The following EPX variants were observed in gnomAD, a reference collection of about 807,000 sequenced individuals.
EPX encodes the protein eosinophil peroxidase.
EPX carries 60 observed loss-of-function variants against 73.0 expected under a neutral mutation model. The ratio of observed to expected loss-of-function variants is 0.82; its 90% CI spans 0.67 to 1.02. The LOEUF (loss-of-function observed/expected upper bound fraction) is 1.02, where lower values mean the gene tolerates loss of function less well. EPX is among the 50% of genes least tolerant of loss of function. EPX has a pLI of 0.00. For synonymous variants in EPX, 347 were observed against 389.2 expected, an observed-to-expected ratio of 0.89 and a Z score of 1.28; for missense variants, 950 against 973.9, an observed-to-expected ratio of 0.98 and a Z score of 0.33.
chr17:58,197,963 G>A (rs1414001499), intron 7 of EPX, among the ~76,000 whole-genome samples: 1 of 152,084 alleles, frequency 6.6e-6, no homozygotes, highest in Non-Finnish European at 1.5e-5. Context: ...AGCCTCCCGA[G>A]TAGCTGGAAT....
chr17:58,197,074 A>G lies in EPX; in HGVS notation c.937A>G (p.Met313Val). The G allele has an allele frequency of 6.2e-7, 1 of 1,614,194 alleles. No homozygotes were observed. The highest frequency in any genetic ancestry group is 8.5e-7 in the Non-Finnish European group (1 of 1,180,022). The change falls in exon 7 of 13, where the codon ATG becomes GTG. Residue 313 changes from methionine to valine, a missense_variant. Coordinates refer to ENST00000225371, the MANE Select transcript of EPX (RefSeq NM_000502.6). Reference sequence around the variant, plus strand: ...GCTCACCTCCTTTGTGGACGCCAGCATGGTGTATGGCAGTGAGGTCTCCCT... The same window carrying G: ...GCTCACCTCCTTTGTGGACGCCAGCGTGGTGTATGGCAGTGAGGTCTCCCT... ...NALTSFVDASMVYGSEVSLSL... is the reference protein window; with the variant it reads ...NALTSFVDASVVYGSEVSLSL...
chr17:58,195,573 A>T (rs903222229), intron 6 of EPX, among the ~76,000 whole-genome samples: 3 of 152,166 alleles, frequency 2.0e-5, no homozygotes, highest in African/African-American at 7.2e-5. Context: ...GGCTGTAAGT[A>T]GGGTCCTAAC....
intron 10 of EPX, 70 bp from the exon 11 acceptor site, chr17:58,203,011 C>T (rs1968361461): frequency 8.7e-7 from 1 of 1,152,808 alleles, no homozygotes; most frequent in Admixed American, 1.7e-5. Context: ...CCCCAGAGGA[C>T]TGGTGGAGAA....
intron 6 of EPX, among the ~76,000 whole-genome samples, chr17:58,196,583 G>T (rs562058423): frequency 1.3e-5 from 2 of 152,192 alleles, no homozygotes; most frequent in East Asian, 3.9e-4. Flanking sequence ...AAGGTCTGTC[G>T]AATTGAACAG....
Position 58,200,297 on chromosome 17 carries a change from T to C in EPX, c.1610T>C (p.Val537Ala), listed in dbSNP as rs1308489209. ...AKLNRQDAML[V>A]DELRDRLFRQ... ...CTGAACCGTCAGGATGCCATGTTAG[T>C]GGATGAGCTCCGGGACCGGCTGTTT... is the stretch of plus-strand genomic sequence containing the variant. Residue 537 changes from valine to alanine, a missense_variant, in exon 10 of 13, where the codon GTG becomes GCG. Coordinates refer to ENST00000225371, the MANE Select transcript of EPX (RefSeq NM_000502.6). The C allele has an allele frequency of 6.2e-7, 1 of 1,614,220 alleles. No homozygotes were observed. Among genetic ancestry groups the C allele is most frequent in the East Asian group, 2.2e-5 (1 of 44,866 alleles).
Position 58,197,029 on chromosome 17 carries a change from G to T in EPX, c.892G>T (p.Val298Phe). ...CTCATGCCCCCAAAACAAGAACAGA[G>T]TCCGCAACCAGATCAACGCGCTCAC... ...APSCPQNKNR[V>F]RNQINALTSF... Residue 298 changes from valine (V) to phenylalanine (F), a missense_variant, in exon 7 of 13, where the codon GTC (valine) becomes TTC (phenylalanine). By Grantham distance (50) the Val-to-Phe change is conservative (BLOSUM62 -1). Transcript: ENST00000225371. 1 of 1,614,142 alleles carries T rather than the reference G, an allele frequency of 6.2e-7. No homozygotes were observed. Among genetic ancestry groups the T allele is most frequent in the South Asian group, 1.1e-5 (1 of 91,072 alleles).
chr17:58,196,232 C>G (rs1231335664), intron 6 of EPX, among the ~76,000 whole-genome samples: 1 of 152,040 alleles, frequency 6.6e-6, no homozygotes, highest in Non-Finnish European at 1.5e-5. Flanking sequence ...CTCAGCCTCC[C>G]GAGTAGCTGG....
At chr17:58,204,687 C>T in intron 12 of EPX, 49 bp from the exon 13 acceptor site, 1 of 513,970 alleles carries the variant, frequency 1.9e-6, no homozygotes. Context: ...AGCTCCATTT[C>T]TAAACATCCA....
In EPX at chr17:58,193,118, T is replaced by C. The variant is rs1169253348; in HGVS notation, c.157T>C (p.Trp53Arg). The C allele has an allele frequency of 1.2e-6, 2 of 1,610,784 alleles. No individual in the cohort carries two copies. Among genetic ancestry groups the C allele is most frequent in the Admixed American group, 3.3e-5 (2 of 60,024 alleles). The change falls in exon 2 of 13, where the codon TGG becomes CGG. Residue 53 changes from tryptophan to arginine, a missense_variant. Transcript: ENST00000225371. ...GTTGCTGGTGGATGCTGCCTACAAT[T>C]GGACCCAGAAGAGGTGGACTTGGGT... ...AKLLVDAAYN[W>R]TQKSIKQRLR...
chr17:58,204,199 C>G, intron 11 of EPX, 23 bp from the exon 12 acceptor site: 1 of 1,585,608 alleles, frequency 6.3e-7, no homozygotes, highest in Non-Finnish European at 8.7e-7. Flanking sequence ...AGCCTTCACC[C>G]ACATCTCTCG....
At chr17:58,197,377 C>A in intron 7 of EPX, 120 bp downstream of exon 7, 1 of 1,161,802 alleles carries the variant, frequency 8.6e-7, no homozygotes, top group Non-Finnish European at 1.2e-6. Flanking sequence ...TTAGGCACAC[C>A]ATAAGCATGG....
intron 2 of EPX, 21 bp downstream of exon 2, chr17:58,193,152 T>C (rs111882990): frequency 6.5e-7 from 1 of 1,541,024 alleles, no homozygotes; most frequent in African/African-American, 1.4e-5. Context: ...GTCTGGGGGC[T>C]GCATGGGCCT....
Position 58,193,388 on chromosome 17 carries a change from G to T in EPX, c.188G>T (p.Arg63Leu), listed in dbSNP as rs772997855. ...CTGGGCAGCATCAAGCAGCGGCTTC[G>T]CAGCGGTTCAGCCAGCCCCATGGAC... is the stretch of plus-strand genomic sequence containing the variant. Reference protein sequence around the residue: ...WTQKSIKQRLRSGSASPMDLL... With the variant: ...WTQKSIKQRLLSGSASPMDLL... Residue 63 changes from arginine (R) to leucine (L), a missense_variant, in exon 3 of 13, where the codon CGC becomes CTC. By Grantham distance (102) the Arg-to-Leu change is moderately radical. Coordinates refer to ENST00000225371, the MANE Select transcript of EPX (RefSeq NM_000502.6). 1.2e-6 allele frequency: 2 copies of T among 1,614,050 alleles called. No homozygotes were observed. The highest frequency in any genetic ancestry group is 1.7e-6 in the Non-Finnish European group (2 of 1,180,030).
At chr17:58,197,827 T>C (rs1033022228) in intron 7 of EPX, among the ~76,000 whole-genome samples, 1 of 151,608 alleles carries the variant, frequency 6.6e-6, no homozygotes, top group African/African-American at 2.4e-5. Context: ...CTCATTAAGA[T>C]ATTTATCTTA....
intron 6 of EPX, among the ~76,000 whole-genome samples, chr17:58,196,338 C>T (rs1968256211): frequency 6.6e-6 from 1 of 152,126 alleles, no homozygotes; most frequent in Admixed American, 6.5e-5. Flanking sequence ...AAACTTCTGG[C>T]CTCATGTAAT....
In EPX at chr17:58,199,621, G is replaced by A; in HGVS notation, c.1364G>A (p.Cys455Tyr). ...ACCCTGGGGCACTACAGGGGGTACT[G>A]CTCCAATGTGGACCCACGGGTGGCC... ...RRTLGHYRGY[C>Y]SNVDPRVANV... The change falls in exon 9 of 13, where the codon TGC becomes TAC. Residue 455 changes from cysteine to tyrosine, a missense_variant. Coordinates refer to ENST00000225371, the MANE Select transcript of EPX (RefSeq NM_000502.6). 5 of 1,614,156 alleles carry A rather than the reference G, an allele frequency of 3.1e-6. No individual in the cohort carries two copies. Among genetic ancestry groups the A allele is most frequent in the Non-Finnish European group, 4.2e-6 (5 of 1,180,024 alleles).
At chr17:58,195,716 A>G (rs2143707758) in intron 6 of EPX, among the ~76,000 whole-genome samples, 2 of 152,118 alleles carry the variant, frequency 1.3e-5, no homozygotes, top group South Asian at 4.2e-4. Context: ...ACACACGTGC[A>G]CACACACGCT....
At chr17:58,203,508 C>T (rs1597969863) in intron 11 of EPX, among the ~76,000 whole-genome samples, 190 bp downstream of exon 11, 2 of 152,162 alleles carry the variant, frequency 1.3e-5, no homozygotes, top group African/African-American at 4.8e-5. Context: ...CCAGGCAAGG[C>T]CCATATTGCC....
At position 58,204,273 on chromosome 17, in the gene EPX, G is replaced by A. The variant is rs1408011271; in HGVS notation, c.1998G>A (p.Leu666=). 1.9e-6 allele frequency: 3 copies of A among 1,614,074 alleles called. No individual in the cohort carries two copies. The highest frequency in any genetic ancestry group is 2.5e-6 in the Non-Finnish European group (3 of 1,180,018). The change falls in exon 12 of 13, where the codon CTG becomes CTA. Residue 666 remains leucine, a synonymous_variant. Coordinates refer to ENST00000225371, the MANE Select transcript of EPX (RefSeq NM_000502.6). ...TCACCAAAAGACAGCGCAAGGCCCT[G>A]AGCAGAATTTCCTTGTCTCGAATTA... is the stretch of plus-strand genomic sequence containing the variant. ...GVFTKRQRKA[L]SRISLSRIIC... is the part of the protein sequence containing the mutation.
Sources: allele counts gnomAD v4.1 joint callset (sites outside exome capture counted in the v4.1 genomes callset), GRCh38; gene constraint gnomAD v4.1.1; transcripts MANE v1.5; gene names NCBI Gene and HGNC (gene_info 2026-07-23, HGNC 2026-07-21).